RBM26: variants seen among roughly 807,000 people sequenced by gnomAD.
The protein encoded by RBM26 is RNA-binding protein 26.
RBM26 carries 30 observed loss-of-function variants against 123.6 expected under a neutral mutation model. The observed-to-expected ratio is 0.24, with a 90% CI of 0.18 to 0.33. The LOEUF is 0.33. Ranked by LOEUF, RBM26 falls within the 10% of genes least tolerant of loss-of-function variation. The pLI is 1.00. For missense variants in RBM26, 947 were observed against 1,203.6 expected (o/e 0.79, Z 3.15); for synonymous variants, 400 against 404.4 (o/e 0.99, Z 0.13).
At chr13:79,341,733 T>A (rs1214928344) in intron 17 of RBM26, among the ~76,000 whole-genome samples, 1 of 151,820 alleles carries the variant, frequency 6.6e-6, no homozygotes, top group Non-Finnish European at 1.5e-5. Flanking sequence ...TATATAGTTT[T>A]GCTTTTGAAC....
intron 18 of RBM26, among the ~76,000 whole-genome samples, chr13:79,339,224 A>G (rs576767341): frequency 6.6e-6 from 1 of 152,340 alleles, no homozygotes; most frequent in Non-Finnish European, 1.5e-5. Flanking sequence ...AACTCATAGA[A>G]GCAGACAGCA....
intron 20 of RBM26, among the ~76,000 whole-genome samples, chr13:79,327,304 A>G (rs1225478087): frequency 6.6e-6 from 1 of 152,058 alleles, no homozygotes; most frequent in Non-Finnish European, 1.5e-5. Flanking sequence ...TCAAAAAAAA[A>G]AAAAAAAAAT....
chr13:79,323,456 T>C (rs1488251709), intron 20 of RBM26, among the ~76,000 whole-genome samples: 2 of 151,628 alleles, frequency 1.3e-5, no homozygotes, highest in East Asian at 3.8e-4. Flanking sequence ...TTTGTCACAA[T>C]GTCATACAAC....
chr13:79,378,640 A>G (rs898307062), intron 2 of RBM26, 149 bp downstream of exon 2: 9 of 444,856 alleles, frequency 2.0e-5, no homozygotes, highest in Middle Eastern at 6.5e-4. Flanking sequence ...GGGTTTCACC[A>G]TGTTTGCCCG....
chr13:79,382,137 AATGTT>A (rs1319873665), intron 1 of RBM26, among the ~76,000 whole-genome samples: 1 of 152,102 alleles, frequency 6.6e-6, no homozygotes, highest in Non-Finnish European at 1.5e-5. Context: ...ATTTGTCTTA[AATGTT>A]ATATTATCTG....
exon 5 of RBM26, chr13:79,313,128 T>C (rs1489022197): frequency 6.6e-6 from 1 of 151,886 alleles, no homozygotes; most frequent in East Asian, 1.9e-4. Context: ...AGGAAACTGC[T>C]TCATTCAATT....
At chr13:79,369,737 G>A (rs1426647195) in intron 5 of RBM26, among the ~76,000 whole-genome samples, 1 of 152,060 alleles carries the variant, frequency 6.6e-6, no homozygotes, top group Admixed American at 6.5e-5. Context: ...GGAATGACAC[G>A]CTCTTGCAAA....
At chr13:79,330,722 TTATATAA>T (rs917012435) in intron 20 of RBM26, among the ~76,000 whole-genome samples, 34 of 152,264 alleles carry the variant, frequency 2.2e-4, no homozygotes, top group African/African-American at 7.9e-4. Flanking sequence ...ATACATATAA[TTATATAA>T]TATATATGAC....
chr13:79,314,932 C>A, downstream of RBM26: 1 of 1,247,046 alleles, frequency 8.0e-7, no homozygotes, highest in Non-Finnish European at 1.1e-6. Context: ...CGTCTCCAGA[C>A]AGGAACTGGT....
intron 9 of RBM26, 37 bp from the exon 10 acceptor site, chr13:79,359,723 T>C: frequency 1.7e-6 from 2 of 1,180,276 alleles, no homozygotes; most frequent in East Asian, 2.7e-5. Context: ...AAAATAAGCA[T>C]AGGTTAATAT....
At chr13:79,331,105 G>A (rs988656734) in intron 20 of RBM26, among the ~76,000 whole-genome samples, 2 of 152,050 alleles carry the variant, frequency 1.3e-5, no homozygotes, top group African/African-American at 4.8e-5. Flanking sequence ...CTGCCTCCTG[G>A]GCTCAGGTGA....
At chr13:79,333,633 C>T (rs2069805443) in intron 20 of RBM26, among the ~76,000 whole-genome samples, 1 of 152,118 alleles carries the variant, frequency 6.6e-6, no homozygotes, top group East Asian at 1.9e-4. Context: ...TCTACAATTC[C>T]TGAAGAAAGA....
rs2075159153 is a variant in RBM26 at position 79,365,430 on chromosome 13, G to A, written c.1417+148C>T. The A allele has an allele frequency of 6.1e-6, 4 of 655,666 alleles. No individual in the cohort carries two copies. The South Asian group carries it at 8.4e-5, about 14-fold the overall frequency. The allele number at this position is 655,666 out of a possible 1,614,324, so 40.6% of individuals were successfully genotyped here. A position where few individuals can be genotyped will look rare whatever the true frequency, so the allele number is the denominator to read the frequency against. On this transcript the variant is annotated intron_variant, in intron 9 of 21. Transcript: ENST00000438737. ...TGCACTCCAGCCTAGGCCACAGAGT[G>A]AGACTCTGTCTCCAAAAATAAAATG...
At chr13:79,367,941 C>T (rs2075483243) in intron 6 of RBM26, among the ~76,000 whole-genome samples, 1 of 152,018 alleles carries the variant, frequency 6.6e-6, no homozygotes, top group Non-Finnish European at 1.5e-5. Flanking sequence ...TCTCTTAAAA[C>T]TAAAAAAAAT....
intron 1 of RBM26, among the ~76,000 whole-genome samples, chr13:79,380,155 C>T (rs936058182): frequency 2.6e-5 from 4 of 152,112 alleles, no homozygotes; most frequent in Non-Finnish European, 5.9e-5. Context: ...ACAAGTTATT[C>T]ATTGTCATAT....
chr13:79,344,280 C>T lies in RBM26; in HGVS notation c.2227G>A (p.Glu743Lys). The T allele has an allele frequency of 6.2e-7, 1 of 1,611,364 alleles. No individual in the cohort carries two copies. The highest frequency in any genetic ancestry group is 1.3e-5 in the African/African-American group (1 of 74,962). The change falls in exon 16 of 22, where the codon GAA (glutamate) becomes AAA (lysine). Residue 743 changes from glutamate (E) to lysine (K), a missense_variant. Glu to Lys is a moderately conservative substitution (Grantham distance 56, BLOSUM62 1). Coordinates refer to ENST00000438737, the MANE Select transcript of RBM26 (RefSeq NM_001366735.2). ...GTTTCAATGTGCTTTTCTAAAATTT[C>T]TTGTTTCCTTTTCCTTACATCCTGC... is the stretch of plus-strand genomic sequence containing the variant. ...LQQDVRKRKQ[E>K]ILEKHIETQK... is the part of the protein sequence containing the mutation.
intron 20 of RBM26, among the ~76,000 whole-genome samples, chr13:79,329,318 T>C (rs2068929883): frequency 6.6e-6 from 1 of 152,034 alleles, no homozygotes; most frequent in Non-Finnish European, 1.5e-5. Context: ...TTTATACATG[T>C]GTATATATGT....
chr13:79,331,159 C>T (rs965697882), intron 20 of RBM26, among the ~76,000 whole-genome samples: 22 of 152,038 alleles, frequency 1.4e-4, no homozygotes, highest in Non-Finnish European at 2.1e-4. Flanking sequence ...TGCAGGTGCA[C>T]GCCACCACAC....
In RBM26 at chr13:79,385,732, T is replaced by C. The variant is rs113508214; in HGVS notation, c.72-6825A>G. Among the ~76,000 whole-genome samples, 1,194 of 152,324 alleles carry C rather than the reference T, an allele frequency of 7.8e-3. 25 individuals are homozygous for C. The highest frequency in any genetic ancestry group is 0.027 in the African/African-American group (1,104 of 41,562). ...AGCATAAAAACTCTCTATATTTGTT[T>C]GAGTAATCAGAAGAAGAATTTATGT... On this transcript the variant is annotated intron_variant, in intron 1 of 21. Coordinates refer to ENST00000438737, the MANE Select transcript of RBM26 (RefSeq NM_001366735.2).
Sources: gnomAD v4.1 joint callset for allele counts (sites outside exome capture counted in the v4.1 genomes callset) on GRCh38, gnomAD v4.1.1 for gene constraint, MANE v1.5 for transcripts, NCBI Gene and HGNC (gene_info 2026-07-23, HGNC 2026-07-21) for gene names.